The following CLDN14 variants were observed in gnomAD, a reference collection of about 807,000 sequenced individuals.
CLDN14 encodes the protein claudin 14, also known as claudin-14.
A neutral mutation model predicts 2.1 loss-of-function variants in CLDN14; 2 were observed. The ratio of observed to expected loss-of-function variants is 0.96; its 90% CI spans 0.39 to 3.01. The LOEUF is 3.01. CLDN14 is among the 30% of genes most tolerant of loss of function. The pLI, the probability that CLDN14 is intolerant of heterozygous loss-of-function variation, is 0.09. For synonymous variants in CLDN14, 136 were observed against 154.4 expected (o/e 0.88, Z 0.88); for missense variants, 298 against 328.0 (o/e 0.91, Z 0.71).
intron 1 of CLDN14, among the ~76,000 whole-genome samples, chr21:36,518,276 G>T (rs996015034): frequency 2.0e-5 from 3 of 152,104 alleles, no homozygotes; most frequent in Admixed American, 6.5e-5. Flanking sequence ...AGTTGACATT[G>T]CAAATTTCAT....
chr21:36,489,131 A>AAAAAAAATATATATATATATATATATAT, intron 2 of CLDN14, among the ~76,000 whole-genome samples: 2 of 62,748 alleles, frequency 3.2e-5, no homozygotes, highest in Non-Finnish European at 3.0e-5. Flanking sequence ...AAAAAAAAAA[A>AAAAAAAATATATATATATATATATATAT]ATATATATAT....
intron 2 of CLDN14, among the ~76,000 whole-genome samples, chr21:36,497,740 C>T (rs548442410): frequency 2.0e-5 from 3 of 152,118 alleles, no homozygotes; most frequent in African/African-American, 7.2e-5. Context: ...TGCCCCCGCC[C>T]AGGTCCCAAC....
intron 2 of CLDN14, among the ~76,000 whole-genome samples, chr21:36,502,412 A>G (rs142709818): frequency 6.6e-6 from 1 of 152,178 alleles, no homozygotes; most frequent in Admixed American, 6.5e-5. Context: ...TCTCTGTAGT[A>G]TGCTTAGGGG....
intron 1 of CLDN14, chr21:36,542,677 C>G (rs2087499504): frequency 6.6e-6 from 1 of 152,262 alleles, no homozygotes; most frequent in Non-Finnish European, 1.5e-5. Flanking sequence ...TCCCCTCGAG[C>G]GACAGGCCTC....
intron 2 of CLDN14, among the ~76,000 whole-genome samples, chr21:36,490,869 C>T (rs1319918744): frequency 3.3e-5 from 5 of 152,030 alleles, no homozygotes. Context: ...TTCTGCTCCT[C>T]CCAAACACAT....
At chr21:36,537,656 C>T (rs11088356) in intron 1 of CLDN14, among the ~76,000 whole-genome samples, 67,400 of 142,268 alleles carry the variant, frequency 0.47, 18,091 homozygotes, top group Middle Eastern at 0.62. Context: ...CTTTTCTTTT[C>T]TTTTTTTTTT....
intron 2 of CLDN14, among the ~76,000 whole-genome samples, chr21:36,501,609 G>T (rs1329423011): frequency 6.6e-6 from 1 of 151,828 alleles, no homozygotes; most frequent in Non-Finnish European, 1.5e-5. Flanking sequence ...AGATCTCCTC[G>T]CTACTGTTTT....
intron 1 of CLDN14, among the ~76,000 whole-genome samples, chr21:36,512,804 A>T (rs1333886379): frequency 6.6e-6 from 1 of 152,206 alleles, no homozygotes; most frequent in Non-Finnish European, 1.5e-5. Flanking sequence ...TGGGGAGGGA[A>T]GTGAGACTGG....
intron 1 of CLDN14, among the ~76,000 whole-genome samples, chr21:36,525,390 G>A (rs1292537270): frequency 6.8e-6 from 1 of 147,016 alleles, no homozygotes; most frequent in Non-Finnish European, 1.5e-5. Flanking sequence ...AAAGCTAAAT[G>A]AAAAAAAAAA....
Position 36,523,717 on chromosome 21 carries a change from C to T in CLDN14, c.-219-13217G>A, listed in dbSNP as rs1601622863. ...GAGCCGAGACTTTTCCACTGCACTC[C>T]AGCCTGGGTGACAGAGTGAGACTCC... On this transcript the variant is annotated intron_variant, in intron 1 of 2. Transcript: ENST00000342108. Among the ~76,000 whole-genome samples the T allele has an allele frequency of 3.5e-5, 5 of 143,864 alleles. No individual in the cohort carries two copies. The Admixed American group carries it at 3.6e-4, about 10-fold the overall frequency. The allele number at this position is 143,864 out of a possible 152,430, so 94.4% of individuals were successfully genotyped here.
chr21:36,484,332 A>G (rs1281152444), upstream of CLDN14, among the ~76,000 whole-genome samples: 2 of 152,076 alleles, frequency 1.3e-5, no homozygotes, highest in Non-Finnish European at 2.9e-5. Flanking sequence ...GACTTAAGAG[A>G]TGGTTACTTT....
rs773827778 is a variant in CLDN14, at chr21:36,486,539, A to T, written c.-82+23824T>A. 5.8e-6 allele frequency: 9 copies of T among 1,562,980 alleles called. No homozygotes were observed. In the South Asian group the frequency reaches 1.0e-4, roughly 17 times the overall value. On this transcript the variant is annotated intron_variant, in intron 2 of 2. Transcript: ENST00000342108. ...CATGGCACCCCCTTCCCCAGCCAAA[A>T]TCGGAGAACTGATGAGAGCATCAGC... is the stretch of plus-strand genomic sequence containing the variant.
intron 1 of CLDN14, among the ~76,000 whole-genome samples, chr21:36,537,989 A>ATGTG (rs34437515): frequency 0.031 from 4,627 of 149,108 alleles, 103 homozygotes; most frequent in East Asian, 0.099. Context: ...TCAAAACAAA[A>ATGTG]TGTGTGTGTG....
At chr21:36,511,771 G>A (rs1183682442) in intron 1 of CLDN14, among the ~76,000 whole-genome samples, 1 of 152,134 alleles carries the variant, frequency 6.6e-6, no homozygotes, top group East Asian at 1.9e-4. Flanking sequence ...TCAGCAGGTT[G>A]ATGCCAACAT....
At chr21:36,528,438 A>C (rs2087352398) in intron 1 of CLDN14, among the ~76,000 whole-genome samples, 1 of 152,146 alleles carries the variant, frequency 6.6e-6, no homozygotes, top group Non-Finnish European at 1.5e-5. Flanking sequence ...TTCACTGGGG[A>C]AGCCAAGTGT....
chr21:36,518,473 G>A (rs1294059305), intron 1 of CLDN14, among the ~76,000 whole-genome samples: 1 of 151,904 alleles, frequency 6.6e-6, no homozygotes, highest in Non-Finnish European at 1.5e-5. Context: ...GATGGCAGGT[G>A]CCTGTAATCC....
chr21:36,556,034 TCA>T (rs1277828234), intron 1 of CLDN14, among the ~76,000 whole-genome samples: 2 of 152,272 alleles, frequency 1.3e-5, no homozygotes, highest in African/African-American at 2.4e-5. Context: ...CAGCTCCCAG[TCA>T]CAGTGTTTCA....
chr21:36,501,259 A>G (rs1190092772), intron 2 of CLDN14, among the ~76,000 whole-genome samples: 1 of 148,436 alleles, frequency 6.7e-6, no homozygotes, highest in Non-Finnish European at 1.5e-5. Flanking sequence ...AGCAAAGAAA[A>G]CTGCCTGTTT....
chr21:36,552,087 G>T (rs2087567041), intron 1 of CLDN14, among the ~76,000 whole-genome samples: 1 of 152,216 alleles, frequency 6.6e-6, no homozygotes, highest in Non-Finnish European at 1.5e-5. Context: ...ATGTTCCTCA[G>T]AATTGGCACT....
Sources: gnomAD v4.1 joint callset for allele counts (sites outside exome capture counted in the v4.1 genomes callset) on GRCh38, gnomAD v4.1.1 for gene constraint, MANE v1.5 for transcripts, NCBI Gene and HGNC (gene_info 2026-07-23, HGNC 2026-07-21) for gene names.